UBASH3A: variants seen among roughly 807,000 people sequenced by gnomAD.
UBASH3A encodes ubiquitin associated and SH3 domain containing A.
Under a neutral mutation model 73.5 loss-of-function variants are expected in UBASH3A, and 63 were observed. The ratio of observed to expected loss-of-function variants is 0.86; its 90% confidence interval spans 0.70 to 1.06. The LOEUF (loss-of-function observed/expected upper bound fraction) is 1.06, where lower values mean the gene tolerates loss of function less well. Ranked by LOEUF, UBASH3A falls within the 50% of genes least tolerant of loss-of-function variation. The pLI, the probability that UBASH3A is intolerant of heterozygous loss-of-function variation, is 0.00. For missense variants in UBASH3A, 860 were observed against 859.0 expected (o/e 1.00, Z -0.02); for synonymous variants, 363 against 351.1 (o/e 1.03, Z -0.38).
intron 6 of UBASH3A, among the ~76,000 whole-genome samples, chr21:42,418,166 G>A (rs759959658): frequency 3.3e-5 from 5 of 152,134 alleles, no homozygotes; most frequent in African/African-American, 4.8e-5. Flanking sequence ...ACAGGCGTGA[G>A]CCACCGCGCC....
chr21:42,432,252 C>A, intron 9 of UBASH3A, 50 bp downstream of exon 9: 2 of 1,198,600 alleles, frequency 1.7e-6, no homozygotes, highest in South Asian at 1.3e-5. Context: ...TAGATCTAAC[C>A]AATGAGATCT....
chr21:42,421,535 C>G (rs926598945), intron 7 of UBASH3A, among the ~76,000 whole-genome samples: 1 of 152,242 alleles, frequency 6.6e-6, no homozygotes, highest in Non-Finnish European at 1.5e-5. Flanking sequence ...AAGTTGAACA[C>G]AGATGTATCA....
At chr21:42,404,307 A>G (rs909858412) in intron 1 of UBASH3A, 3 of 337,290 alleles carry the variant, frequency 8.9e-6, no homozygotes, top group Non-Finnish European at 1.6e-5. Context: ...ATCCCACCTC[A>G]GCCTCCTAAG....
intron 7 of UBASH3A, among the ~76,000 whole-genome samples, chr21:42,420,648 C>T (rs1028749133): frequency 1.3e-5 from 2 of 152,272 alleles, no homozygotes; most frequent in East Asian, 1.9e-4. Flanking sequence ...AGGCTGAAAA[C>T]CCATGGGCAA....
chr21:42,427,993 G>A (rs966831092), intron 8 of UBASH3A, among the ~76,000 whole-genome samples: 2 of 152,134 alleles, frequency 1.3e-5, no homozygotes, highest in Admixed American at 6.5e-5. Context: ...AGGTATTTAA[G>A]GTTAAATGAG....
At chr21:42,407,263 G>A (rs2052996203) in intron 2 of UBASH3A, among the ~76,000 whole-genome samples, 1 of 152,124 alleles carries the variant, frequency 6.6e-6, no homozygotes, top group African/African-American at 2.4e-5. Context: ...TAAAAACCAG[G>A]TCCTGGGAGG....
chr21:42,432,140 A>C lies in UBASH3A; in HGVS notation c.1208A>C (p.His403Pro). 2 of 1,613,726 alleles carry C rather than the reference A, an allele frequency of 1.2e-6. No individual in the cohort carries two copies. The highest frequency in any genetic ancestry group is 1.7e-6 in the Non-Finnish European group (2 of 1,179,814). The stretch of plus-strand genomic sequence containing the variant: ...AGGAAGAGCGTGCTGGTGGTTCGCC[A>C]CGGGGAGAGAGTGGATCAGATCTTC... ...VARKSVLVVR[H>P]GERVDQIFGK... Residue 403 changes from histidine (H) to proline (P), a missense_variant, in exon 9 of 15, where the codon CAC (histidine) becomes CCC (proline). Coordinates refer to ENST00000319294, the MANE Select transcript of UBASH3A (RefSeq NM_018961.4).
chr21:42,438,335 G>T (rs780660073), intron 11 of UBASH3A, among the ~76,000 whole-genome samples: 7 of 152,194 alleles, frequency 4.6e-5, no homozygotes, highest in Non-Finnish European at 8.8e-5. Context: ...AGGAAGTAAG[G>T]CCACCAGCGG....
intron 1 of UBASH3A, 87 bp downstream of exon 1, chr21:42,404,145 G>T (rs1049951470): frequency 7.2e-6 from 5 of 696,918 alleles, no homozygotes; most frequent in African/African-American, 5.6e-5. Flanking sequence ...CTGCAGGGGT[G>T]TAGGGTACGG....
intron 7 of UBASH3A, among the ~76,000 whole-genome samples, chr21:42,419,217 T>C (rs1211587867): frequency 2.0e-5 from 3 of 152,198 alleles, no homozygotes; most frequent in Non-Finnish European, 4.4e-5. Flanking sequence ...GAGTTGCTTC[T>C]TCATCAGCTG....
chr21:42,417,248 C>G lies in UBASH3A; in HGVS notation c.837+637C>G, dbSNP rs1333766762. On this transcript the variant is annotated intron_variant, in intron 6 of 14. Coordinates refer to ENST00000319294, the MANE Select transcript of UBASH3A (RefSeq NM_018961.4). Reference sequence around the variant, plus strand: ...GACCAGCCTGGGCAACAGGGCAAAACGCTGTCTCTACTAAAAATACAGAAA... The same window carrying G: ...GACCAGCCTGGGCAACAGGGCAAAAGGCTGTCTCTACTAAAAATACAGAAA... Among the ~76,000 whole-genome samples, 2 of 151,824 alleles carry G rather than the reference C, an allele frequency of 1.3e-5. 1 individual carries two copies. The highest frequency in any genetic ancestry group is 4.2e-4 in the South Asian group (2 of 4,814).
rs1166192021 is a variant in UBASH3A at position 42,416,446 on chromosome 21, C to T, written c.672C>T (p.Cys224=). ...FVSHYILQKY[C]SVKPCTKQLH... is the part of the protein sequence containing the mutation. ...TGTGTTTCCCTGATTTCACAGACTG[C>T]TCCGTGAAGCCTTGCACCAAACAGC... is the stretch of plus-strand genomic sequence containing the variant. Residue 224 remains cysteine (C), a synonymous_variant, in exon 6 of 15, where the codon TGC becomes TGT. Transcript: ENST00000319294. 6.4e-7 allele frequency: 1 copy of T among 1,573,744 alleles called. No homozygotes were observed. The highest frequency in any genetic ancestry group is 8.6e-7 in the Non-Finnish European group (1 of 1,162,798).
At chr21:42,446,461 C>T (rs1049656544) in intron 14 of UBASH3A, among the ~76,000 whole-genome samples, 8 of 152,082 alleles carry the variant, frequency 5.3e-5, no homozygotes, top group Non-Finnish European at 1.5e-5. Context: ...TGCCAGTTGG[C>T]ATTTTTGTAA....
chr21:42,406,630 G>A (rs190646275), intron 2 of UBASH3A, among the ~76,000 whole-genome samples: 128 of 152,342 alleles, frequency 8.4e-4, no homozygotes, highest in African/African-American at 2.9e-3. Context: ...CAATTTGACT[G>A]CCAAGAAGAA....
chr21:42,443,612 C>T (rs1327005688), intron 13 of UBASH3A, among the ~76,000 whole-genome samples, 194 bp downstream of exon 13: 3 of 151,818 alleles, frequency 2.0e-5, no homozygotes, highest in Non-Finnish European at 2.9e-5. Context: ...ACACACACTC[C>T]CCTGCCGCCC....
intron 1 of UBASH3A, among the ~76,000 whole-genome samples, chr21:42,405,985 G>GCC (rs202197094): frequency 1.9e-5 from 1 of 51,918 alleles, no homozygotes; most frequent in Admixed American, 2.8e-4. Context: ...CTAGGCAGTG[G>GCC]GGGGGGGGGG....
At chr21:42,418,756 T>G (rs770397152) in intron 7 of UBASH3A, 147 bp downstream of exon 7, 6 of 716,176 alleles carry the variant, frequency 8.4e-6, no homozygotes, top group Non-Finnish European at 1.4e-5. Flanking sequence ...TGCAGGTATA[T>G]AGTAAACATC....
intron 9 of UBASH3A, 61 bp downstream of exon 9, chr21:42,432,263 CCTT>C: frequency 1.8e-6 from 2 of 1,119,158 alleles, no homozygotes; most frequent in East Asian, 2.5e-5. Flanking sequence ...AATGAGATCT[CCTT>C]CTTAATGACC....
intron 10 of UBASH3A, 165 bp downstream of exon 10, chr21:42,435,119 C>A: frequency 1.3e-6 from 1 of 774,928 alleles, no homozygotes; most frequent in Non-Finnish European, 2.0e-6. Flanking sequence ...AGCAACTTGC[C>A]CAAGGTCACA....
Sources: allele counts gnomAD v4.1 joint callset (sites outside exome capture counted in the v4.1 genomes callset), GRCh38; gene constraint gnomAD v4.1.1; transcripts MANE v1.5; gene names NCBI Gene and HGNC (gene_info 2026-07-23, HGNC 2026-07-21).